TENM3: variants seen among roughly 807,000 people sequenced by gnomAD.
TENM3 encodes the protein teneurin transmembrane protein 3.
A neutral mutation model predicts 255.1 loss-of-function variants in TENM3; 63 were observed. The observed-to-expected ratio is 0.25, with a 90% CI of 0.20 to 0.30. TENM3 has a LOEUF of 0.30. TENM3 is among the 10% of genes least tolerant of loss of function. The probability of loss-of-function intolerance (pLI) is 1.00; values close to 1 mark genes in which losing one functional copy is unlikely to be tolerated. For missense variants in TENM3, 2,929 were observed against 3,461.1 expected, an observed-to-expected ratio of 0.85 and a Z score of 3.86; for synonymous variants, 1,306 against 1,322.3, an observed-to-expected ratio of 0.99 and a Z score of 0.27.
chr4:182,105,950 G>T, the TENM3 span, among the ~76,000 whole-genome samples: 1 of 152,184 alleles, frequency 6.6e-6, no homozygotes, highest in African/African-American at 2.4e-5. Flanking sequence ...TGCATGTAAC[G>T]AAACTGCACT....
At chr4:181,993,884 A>G in the TENM3 span, among the ~76,000 whole-genome samples, 8 of 152,258 alleles carry the variant, frequency 5.3e-5, no homozygotes, top group Non-Finnish European at 1.2e-4. Context: ...ATTTTTTAAA[A>G]TAAGTAATTG....
chr4:182,743,549 A>G (rs2152735455), intron 19 of TENM3, 130 bp downstream of exon 19: 1 of 1,032,960 alleles, frequency 9.7e-7, no homozygotes, highest in East Asian at 2.5e-5. Flanking sequence ...CCCCAGAAAG[A>G]AGTCAAATTC....
chr4:181,721,810 C>A, the TENM3 span, among the ~76,000 whole-genome samples: 1 of 151,836 alleles, frequency 6.6e-6, no homozygotes, highest in African/African-American at 2.4e-5. Flanking sequence ...TACAAGACAG[C>A]GTGTAGCCTC....
chr4:182,320,805 T>C (rs989433872), intron 1 of TENM3, among the ~76,000 whole-genome samples: 3 of 152,178 alleles, frequency 2.0e-5, no homozygotes, highest in African/African-American at 7.2e-5. Context: ...AGAAAAACTT[T>C]ACTTACAAAA....
chr4:181,616,805 T>A, the TENM3 span, among the ~76,000 whole-genome samples: 9 of 152,186 alleles, frequency 5.9e-5, no homozygotes, highest in Non-Finnish European at 1.2e-4. Flanking sequence ...TCACTCTGCC[T>A]TTTTGTTCTA....
chr4:181,784,089 C>G, the TENM3 span, among the ~76,000 whole-genome samples: 1 of 151,914 alleles, frequency 6.6e-6, no homozygotes, highest in Admixed American at 6.6e-5. Context: ...ACATCCAAAA[C>G]AACAAAGAAA....
At chr4:181,923,502 A>T in the TENM3 span, among the ~76,000 whole-genome samples, 2 of 152,186 alleles carry the variant, frequency 1.3e-5, no homozygotes, top group Non-Finnish European at 2.9e-5. Context: ...GAGAATAAAA[A>T]TACACTATGG....
intron 3 of TENM3, among the ~76,000 whole-genome samples, chr4:182,375,979 G>T (rs1317288871): frequency 1.3e-5 from 2 of 152,060 alleles, no homozygotes; most frequent in African/African-American, 2.4e-5. Flanking sequence ...CTTCTTATTT[G>T]CATTCACTAG....
chr4:182,296,406 T>G (rs1761500981), intron 1 of TENM3, among the ~76,000 whole-genome samples: 1 of 152,208 alleles, frequency 6.6e-6, no homozygotes, highest in Non-Finnish European at 1.5e-5. Flanking sequence ...TCTTTTCAAT[T>G]GTACTTGAAG....
At chr4:182,393,267 T>C (rs1466315491) in intron 3 of TENM3, among the ~76,000 whole-genome samples, 3 of 152,172 alleles carry the variant, frequency 2.0e-5, no homozygotes, top group Non-Finnish European at 4.4e-5. Context: ...AAGAGACCTG[T>C]GTAGCTTAAA....
chr4:182,278,088 C>G (rs2150252707), intron 1 of TENM3, among the ~76,000 whole-genome samples: 1 of 152,278 alleles, frequency 6.6e-6, no homozygotes, highest in East Asian at 1.9e-4. Context: ...TACTAGCAGC[C>G]AGGCACGGTG....
chr4:181,696,218 A>G, the TENM3 span, among the ~76,000 whole-genome samples: 1 of 152,166 alleles, frequency 6.6e-6, no homozygotes, highest in Non-Finnish European at 1.5e-5. Flanking sequence ...TTTTATGTGC[A>G]TATAATAGAA....
chr4:182,174,056 A>T (rs1213474185), intron 1 of TENM3, among the ~76,000 whole-genome samples: 1 of 148,700 alleles, frequency 6.7e-6, no homozygotes, highest in Non-Finnish European at 1.5e-5. Context: ...ATGCAAATTG[A>T]TAACTAAAAA....
intron 12 of TENM3, among the ~76,000 whole-genome samples, chr4:182,704,444 A>G (rs780326704): frequency 3.9e-5 from 6 of 152,242 alleles, no homozygotes; most frequent in Non-Finnish European, 8.8e-5. Flanking sequence ...TCATCTCTAC[A>G]AAGCTCTGCA....
chr4:181,800,369 C>A, the TENM3 span, among the ~76,000 whole-genome samples: 3,044 of 152,256 alleles, frequency 0.02, 81 homozygotes, highest in East Asian at 0.065. Flanking sequence ...AGGTGGCTCA[C>A]ACCTGTAATC....
At chr4:181,574,743 C>T in the TENM3 span, among the ~76,000 whole-genome samples, 28,225 of 151,894 alleles carry the variant, frequency 0.19, 2,906 homozygotes, top group Non-Finnish European at 0.24. Context: ...TATATAGAAG[C>T]CGTAGGAACT....
chr4:181,600,930 T>C, the TENM3 span, among the ~76,000 whole-genome samples: 1 of 152,070 alleles, frequency 6.6e-6, no homozygotes, highest in Non-Finnish European at 1.5e-5. Context: ...CTGGTCTAGC[T>C]TCTGCTTATT....
At chr4:182,307,902 G>C (rs1231264374) in intron 1 of TENM3, among the ~76,000 whole-genome samples, 1 of 152,208 alleles carries the variant, frequency 6.6e-6, no homozygotes, top group Non-Finnish European at 1.5e-5. Context: ...CAGTCAATGG[G>C]AAACCAAGGA....
At chr4:181,563,383 G>C in the TENM3 span, among the ~76,000 whole-genome samples, 1 of 152,102 alleles carries the variant, frequency 6.6e-6, no homozygotes. Flanking sequence ...CTTTAAAAAG[G>C]GACACCAGGC....
Sources: gnomAD v4.1 joint callset for allele counts (sites outside exome capture counted in the v4.1 genomes callset) on GRCh38, gnomAD v4.1.1 for gene constraint, MANE v1.5 for transcripts, NCBI Gene and HGNC (gene_info 2026-07-23, HGNC 2026-07-21) for gene names.